The following GJB5 variants were observed in gnomAD, a reference collection of about 807,000 sequenced individuals.
The protein encoded by GJB5 is gap junction beta-5 protein.
For synonymous variants in GJB5, 146 were observed against 145.5 expected (o/e 1.00, Z -0.02); for missense variants, 333 against 357.9 (o/e 0.93, Z 0.56).
chr1:34,755,921 C>T (rs1268224479), intron 1 of GJB5, among the ~76,000 whole-genome samples: 5 of 152,190 alleles, frequency 3.3e-5, no homozygotes, highest in Non-Finnish European at 5.9e-5. Flanking sequence ...AAAAAATATG[C>T]CCTTTCCTAA....
In GJB5 at chr1:34,758,222, C is replaced by T. The variant is rs1016354755; in HGVS notation, c.*70C>T. The T allele has an allele frequency of 1.7e-6, 2 of 1,186,628 alleles. No individual in the cohort carries two copies. The highest frequency in any genetic ancestry group is 1.5e-5 in the African/African-American group (1 of 65,696). 73.5% of individuals were successfully genotyped at this position (1,186,628 alleles called of 1,614,324 possible). A position where few individuals can be genotyped will look rare whatever the true frequency, so the allele number is the denominator to read the frequency against. On this transcript the variant is annotated 3_prime_UTR_variant, in exon 2 of 2. Transcript: ENST00000338513. Reference sequence around the variant, plus strand: ...GCTCTAGCATCTCTCATAGGTGCAACCTGAGAGTGGGGGAGCTAAGCCATG... The same window carrying T: ...GCTCTAGCATCTCTCATAGGTGCAATCTGAGAGTGGGGGAGCTAAGCCATG...
chr1:34,757,845 T>C lies in GJB5; in HGVS notation c.515T>C (p.Ile172Thr), dbSNP rs1639624177. Reference protein sequence around the residue: ...VKCHADPCPNIVDCFISKPSE... With the variant: ...VKCHADPCPNTVDCFISKPSE... ...TGCCACGCAGATCCATGTCCCAATA[T>C]AGTGGACTGCTTCATCTCCAAGCCC... The change falls in exon 2 of 2, where the codon ATA becomes ACA. Residue 172 changes from isoleucine to threonine, a missense_variant. Transcript: ENST00000338513. 2 of 1,613,928 alleles carry C rather than the reference T, an allele frequency of 1.2e-6. No individual in the cohort carries two copies. The highest frequency in any genetic ancestry group is 1.7e-5 in the Admixed American group (1 of 60,000).
At position 34,758,217 on chromosome 1, in the gene GJB5, T is replaced by C. The variant is rs939960663; in HGVS notation, c.*65T>C. On this transcript the variant is annotated 3_prime_UTR_variant, in exon 2 of 2. Coordinates refer to ENST00000338513, the MANE Select transcript of GJB5 (RefSeq NM_005268.4). Reference sequence around the variant, plus strand: ...GGGAGGCTCTAGCATCTCTCATAGGTGCAACCTGAGAGTGGGGGAGCTAAG... The same window carrying C: ...GGGAGGCTCTAGCATCTCTCATAGGCGCAACCTGAGAGTGGGGGAGCTAAG... The C allele has an allele frequency of 4.0e-6, 5 of 1,255,608 alleles. No individual in the cohort carries two copies. The highest frequency in any genetic ancestry group is 5.7e-6 in the Non-Finnish European group (5 of 878,276). The allele number at this position is 1,255,608 out of a possible 1,614,324, so 77.8% of individuals were successfully genotyped here.
At chr1:34,757,011 C>A (rs1400409525) in intron 1 of GJB5, among the ~76,000 whole-genome samples, 1 of 152,202 alleles carries the variant, frequency 6.6e-6, no homozygotes, top group Non-Finnish European at 1.5e-5. Flanking sequence ...ACCAGAGCCT[C>A]AGGCCCGGGG....
intron 1 of GJB5, among the ~76,000 whole-genome samples, chr1:34,756,609 C>T (rs1639586895): frequency 6.6e-6 from 1 of 152,202 alleles, no homozygotes. Context: ...GACAGGGTTC[C>T]AGGGAACACT....
chr1:34,757,819 G>A lies in GJB5; in HGVS notation c.489G>A (p.Lys163=). 1 of 1,613,916 alleles carries A rather than the reference G, an allele frequency of 6.2e-7. No individual in the cohort carries two copies. The highest frequency in any genetic ancestry group is 2.2e-5 in the East Asian group (1 of 44,884). Residue 163 remains lysine, a synonymous_variant, in exon 2 of 2, where the codon AAG becomes AAA. Transcript: ENST00000338513. ...AATATATCCTCCCTCCTGTGGTCAA[G>A]TGCCACGCAGATCCATGTCCCAATA... ...YPKYILPPVV[K]CHADPCPNIV... is the part of the protein sequence containing the mutation.
chr1:34,757,968 G>A lies in GJB5; in HGVS notation c.638G>A (p.Cys213Tyr). ...CTCATCTACCTGGTGAGCAAGAGAT[G>A]CCACGAGTGCCTGGCAGCAAGGAAA... ...VELIYLVSKR[C>Y]HECLAARKAQ... Residue 213 changes from cysteine to tyrosine, a missense_variant, in exon 2 of 2, where the codon TGC becomes TAC. Transcript: ENST00000338513. The A allele has an allele frequency of 6.2e-7, 1 of 1,614,022 alleles. No homozygotes were observed.
rs758744839 is a variant in GJB5 at position 34,757,674 on chromosome 1, G to A, written c.344G>A (p.Arg115His). The change falls in exon 2 of 2, where the codon CGC (arginine) becomes CAC (histidine). Residue 115 changes from arginine (R) to histidine (H), a missense_variant. Coordinates refer to ENST00000338513, the MANE Select transcript of GJB5 (RefSeq NM_005268.4). Reference protein sequence around the residue: ...HREAHGENSGRLYLNPGKKRG... With the variant: ...HREAHGENSGHLYLNPGKKRG... ...GAAGCCCATGGGGAGAACAGTGGGC[G>A]CCTCTACCTGAACCCCGGCAAGAAG... is the stretch of plus-strand genomic sequence containing the variant. The A allele has an allele frequency of 6.8e-6, 11 of 1,613,954 alleles. No homozygotes were observed. The highest frequency in any genetic ancestry group is 2.2e-5 in the South Asian group (2 of 91,060).
chr1:34,757,747 G>T lies in GJB5; in HGVS notation c.417G>T (p.Ala139=), dbSNP rs536207025. 1.2e-6 allele frequency: 2 copies of T among 1,613,822 alleles called. No individual in the cohort carries two copies. Among genetic ancestry groups the T allele is most frequent in the Non-Finnish European group, 1.7e-6 (2 of 1,180,018 alleles). The change falls in exon 2 of 2, where the codon GCG becomes GCT. Residue 139 remains alanine, a synonymous_variant. Transcript: ENST00000338513. ...ATGTCTGCAGCCTAGTGTTCAAGGC[G>T]AGCGTGGACATCGCCTTTCTCTATG... ...WTYVCSLVFK[A]SVDIAFLYVF...
At chr1:34,756,138 C>A (rs1285878684) in intron 1 of GJB5, among the ~76,000 whole-genome samples, 1 of 151,754 alleles carries the variant, frequency 6.6e-6, no homozygotes, top group East Asian at 1.9e-4. Context: ...CAGACAGGTT[C>A]CTTGGGGTCC....
chr1:34,756,284 G>A (rs528961663), intron 1 of GJB5, among the ~76,000 whole-genome samples: 60 of 152,294 alleles, frequency 3.9e-4, no homozygotes, highest in African/African-American at 1.2e-3. Flanking sequence ...GTCCTTACGC[G>A]GAGGTGAATC....
chr1:34,758,010 C>T lies in GJB5; in HGVS notation c.680C>T (p.Thr227Ile). 1 of 1,614,088 alleles carries T rather than the reference C, an allele frequency of 6.2e-7. No individual in the cohort carries two copies. The highest frequency in any genetic ancestry group is 8.5e-7 in the Non-Finnish European group (1 of 1,180,020). Residue 227 changes from threonine (T) to isoleucine (I), a missense_variant, in exon 2 of 2, where the codon ACA becomes ATA. Thr to Ile is a moderately conservative substitution (Grantham distance 89). Transcript: ENST00000338513. ...LAARKAQAMC[T>I]GHHPHGTTSS... ...GCAAGGAAAGCTCAAGCCATGTGCA[C>T]AGGTCATCACCCCCACGGTACCACC... is the stretch of plus-strand genomic sequence containing the variant.
Position 34,757,373 on chromosome 1 carries a change from A to G in GJB5, c.43A>G (p.Lys15Glu). ...TGAGGGACTCCTGAGTGGGGTCAAC[A>G]AGTACTCCACAGCCTTTGGGCGCAT... ...IFEGLLSGVNKYSTAFGRIWL... is the reference protein window; with the variant it reads ...IFEGLLSGVNEYSTAFGRIWL... The change falls in exon 2 of 2, where the codon AAG becomes GAG. Residue 15 changes from lysine to glutamate, a missense_variant. Lys to Glu is a moderately conservative substitution (Grantham distance 56). Transcript: ENST00000338513. The G allele has an allele frequency of 6.2e-7, 1 of 1,614,158 alleles. No individual in the cohort carries two copies.
intron 1 of GJB5, among the ~76,000 whole-genome samples, chr1:34,756,744 C>T (rs1639593708): frequency 1.3e-5 from 2 of 152,216 alleles, no homozygotes; most frequent in Non-Finnish European, 2.9e-5. Context: ...CTCTGCCTGG[C>T]TAATTACAGA....
At chr1:34,756,283 C>T (rs561748430) in intron 1 of GJB5, among the ~76,000 whole-genome samples, 11 of 152,326 alleles carry the variant, frequency 7.2e-5, no homozygotes, top group Admixed American at 5.2e-4. Flanking sequence ...AGTCCTTACG[C>T]GGAGGTGAAT....
intron 1 of GJB5, among the ~76,000 whole-genome samples, chr1:34,756,163 G>C (rs1639578516): frequency 6.6e-6 from 1 of 152,122 alleles, no homozygotes; most frequent in Non-Finnish European, 1.5e-5. Context: ...GTGCACAGTT[G>C]GTTGAAACCA....
rs3767676 is a variant in GJB5, at chr1:34,756,487, T to C, written c.-24-820T>C. On this transcript the variant is annotated intron_variant, in intron 1 of 1. Transcript: ENST00000338513. The stretch of plus-strand genomic sequence containing the variant: ...CTTTTGGTGAATTTATTAGTGAGTT[T>C]ATTAGCACGGTTGAGCAAAAGAACC... 3.1e-3 allele frequency among the ~76,000 whole-genome samples: 479 copies of C among 152,324 alleles called. 18 individuals are homozygous for C. The East Asian group carries it at 0.073, about 23-fold the overall frequency.
chr1:34,757,447 G>C lies in GJB5; in HGVS notation c.117G>C (p.Thr39=). ...FIFRVLVYLV[T]AERVWSDDHK... ...TCCGCGTGCTGGTGTACCTGGTGAC[G>C]GCCGAGCGTGTGTGGAGTGATGACC... is the stretch of plus-strand genomic sequence containing the variant. Residue 39 remains threonine, a synonymous_variant, in exon 2 of 2, where the codon ACG becomes ACC. Coordinates refer to ENST00000338513, the MANE Select transcript of GJB5 (RefSeq NM_005268.4). 6.2e-7 allele frequency: 1 copy of C among 1,614,138 alleles called. No homozygotes were observed. Among genetic ancestry groups the C allele is most frequent in the Non-Finnish European group, 8.5e-7 (1 of 1,180,044 alleles).
Position 34,757,975 on chromosome 1 carries a change from G to A in GJB5, c.645G>A (p.Glu215=), listed in dbSNP as rs779156059. Residue 215 remains glutamate, a synonymous_variant, in exon 2 of 2, where the codon GAG becomes GAA. Transcript: ENST00000338513. The part of the protein sequence containing the change: ...LIYLVSKRCH[E]CLAARKAQAM... The stretch of plus-strand genomic sequence containing the variant: ...ACCTGGTGAGCAAGAGATGCCACGA[G>A]TGCCTGGCAGCAAGGAAAGCTCAAG... The A allele has an allele frequency of 6.2e-7, 1 of 1,614,034 alleles. No homozygotes were observed. Among genetic ancestry groups the A allele is most frequent in the Non-Finnish European group, 8.5e-7 (1 of 1,180,014 alleles).
Sources: allele counts gnomAD v4.1 joint callset (sites outside exome capture counted in the v4.1 genomes callset), GRCh38; gene constraint gnomAD v4.1.1; transcripts MANE v1.5; gene names NCBI Gene and HGNC (gene_info 2026-07-23, HGNC 2026-07-21).